Variants in MAML3 observed in about 807,000 individuals in gnomAD.
MAML3 encodes the protein mastermind-like protein 3.
MAML3 carries 27 observed loss-of-function variants against 101.9 expected under a neutral mutation model. The observed-to-expected ratio is 0.27, with a 90% CI of 0.20 to 0.37. MAML3 has a LOEUF of 0.37. MAML3 is among the 10% of genes least tolerant of loss of function. MAML3 has a pLI of 1.00. For synonymous variants in MAML3, 501 were observed against 555.9 expected (o/e 0.90, Z 1.39); for missense variants, 1,316 against 1,444.9 (o/e 0.91, Z 1.45).
intron 1 of MAML3, among the ~76,000 whole-genome samples, chr4:139,948,015 C>T (rs551504166): frequency 7.1e-4 from 108 of 152,028 alleles, no homozygotes; most frequent in Non-Finnish European, 1.3e-3. Flanking sequence ...GCAGGAGAAT[C>T]GCTTGAACCT....
chr4:139,911,843 C>A (rs1020173255), intron 1 of MAML3, among the ~76,000 whole-genome samples: 11 of 152,184 alleles, frequency 7.2e-5, no homozygotes, highest in African/African-American at 2.7e-4. Context: ...GATTTCCCAG[C>A]CCCCAGAACT....
intron 1 of MAML3, among the ~76,000 whole-genome samples, 189 bp from the exon 2 acceptor site, chr4:139,891,156 AG>A (rs1376275756): frequency 6.6e-6 from 1 of 152,270 alleles, no homozygotes; most frequent in Non-Finnish European, 1.5e-5. Flanking sequence ...TTTATCTAAA[AG>A]CAGAGCTCAC....
chr4:139,815,082 T>C (rs1296081224), intron 2 of MAML3, among the ~76,000 whole-genome samples: 4 of 152,116 alleles, frequency 2.6e-5, no homozygotes, highest in Non-Finnish European at 4.4e-5. Flanking sequence ...AAACCTAATT[T>C]TGATGAGAAA....
At chr4:140,144,099 C>A (rs978907605) in intron 1 of MAML3, among the ~76,000 whole-genome samples, 2 of 152,150 alleles carry the variant, frequency 1.3e-5, no homozygotes, top group African/African-American at 4.8e-5. Context: ...CGGGTGTAAT[C>A]TCTTGTAGGA....
intron 1 of MAML3, among the ~76,000 whole-genome samples, chr4:140,016,212 AG>A (rs1726639505): frequency 6.6e-6 from 1 of 152,232 alleles, no homozygotes; most frequent in Non-Finnish European, 1.5e-5. Context: ...TGAAATATTT[AG>A]GTATAACTCT....
intron 1 of MAML3, chr4:140,133,178 A>G (rs1728825071): frequency 2.5e-6 from 1 of 396,290 alleles, no homozygotes; most frequent in Non-Finnish European, 5.0e-6. Flanking sequence ...AAGAAAAAAA[A>G]GAGAGTTTAC....
chr4:139,998,787 T>C (rs1175182259), intron 1 of MAML3, among the ~76,000 whole-genome samples: 1 of 152,244 alleles, frequency 6.6e-6, no homozygotes, highest in African/African-American at 2.4e-5. Context: ...CTGTGAATTC[T>C]GTCTCCCTGG....
chr4:139,808,448 G>A (rs894378905), intron 2 of MAML3, among the ~76,000 whole-genome samples: 3 of 152,202 alleles, frequency 2.0e-5, no homozygotes, highest in African/African-American at 7.2e-5. Flanking sequence ...AGAGGGGAAG[G>A]GATATTATAG....
chr4:139,868,754 C>A (rs1409808227), intron 2 of MAML3, among the ~76,000 whole-genome samples: 1 of 151,874 alleles, frequency 6.6e-6, no homozygotes, highest in African/African-American at 2.4e-5. Context: ...GTCTTTATAA[C>A]TTTGTGTCAA....
intron 1 of MAML3, among the ~76,000 whole-genome samples, chr4:139,972,878 G>T (rs947899571): frequency 6.6e-6 from 1 of 152,160 alleles, no homozygotes; most frequent in Non-Finnish European, 1.5e-5. Flanking sequence ...AGATTAGCTA[G>T]AGAACTATAC....
At chr4:139,984,606 A>C (rs1022677341) in intron 1 of MAML3, among the ~76,000 whole-genome samples, 2 of 152,232 alleles carry the variant, frequency 1.3e-5, no homozygotes, top group African/African-American at 4.8e-5. Flanking sequence ...TTCTCTAAAA[A>C]AACAGAACCA....
intron 1 of MAML3, among the ~76,000 whole-genome samples, chr4:140,084,365 T>C (rs1000916903): frequency 8.5e-5 from 13 of 152,222 alleles, no homozygotes; most frequent in African/African-American, 2.9e-4. Context: ...GATGGTTTGT[T>C]GCCACGTGCA....
At chr4:139,875,276 T>A (rs1732090829) in intron 2 of MAML3, among the ~76,000 whole-genome samples, 1 of 152,210 alleles carries the variant, frequency 6.6e-6, no homozygotes, top group Non-Finnish European at 1.5e-5. Flanking sequence ...GCTCCTTATA[T>A]GATCCTACCT....
chr4:139,928,438 G>A (rs1302358590), intron 1 of MAML3, among the ~76,000 whole-genome samples: 1 of 152,134 alleles, frequency 6.6e-6, no homozygotes, highest in East Asian at 1.9e-4. Flanking sequence ...CAGAGAGTAA[G>A]GACTGTTTGG....
At chr4:139,921,017 A>C (rs1390449334) in intron 1 of MAML3, among the ~76,000 whole-genome samples, 1 of 152,116 alleles carries the variant, frequency 6.6e-6, no homozygotes, top group African/African-American at 2.4e-5. Flanking sequence ...AGTCTCACCA[A>C]ATCCCACTGG....
Position 139,735,506 on chromosome 4 carries a change from G to A in MAML3, c.2080-4839C>T, listed in dbSNP as rs1728901293. On this transcript the variant is annotated intron_variant, in intron 2 of 4. Coordinates refer to ENST00000509479, the MANE Select transcript of MAML3 (RefSeq NM_018717.5). The surrounding 1 kb of genome is among the most constrained non-coding windows in gnomAD (Gnocchi z 5.8). Reference sequence around the variant, plus strand: ...GTGGCGGACACCAGACCCCAGGGCCGACAGCCCGGGAGGGACCGGGTTCCA... The same window carrying A: ...GTGGCGGACACCAGACCCCAGGGCCAACAGCCCGGGAGGGACCGGGTTCCA... 6.6e-6 allele frequency among the ~76,000 whole-genome samples: 1 copy of A among 151,922 alleles called. No individual in the cohort carries two copies. The highest frequency in any genetic ancestry group is 6.5e-5 in the Admixed American group (1 of 15,284).
intron 1 of MAML3, among the ~76,000 whole-genome samples, chr4:140,084,236 G>A (rs760949722): frequency 2.6e-5 from 4 of 152,176 alleles, no homozygotes; most frequent in Non-Finnish European, 5.9e-5. Context: ...GCAAAGGGCC[G>A]ATGACTACTC....
chr4:140,028,680 C>A (rs1055635), intron 1 of MAML3, among the ~76,000 whole-genome samples: 6 of 152,120 alleles, frequency 3.9e-5, no homozygotes, highest in Non-Finnish European at 8.8e-5. Flanking sequence ...AAAGCTCAGC[C>A]ATTTTGCCAT....
intron 2 of MAML3, among the ~76,000 whole-genome samples, chr4:139,776,480 A>G (rs1282190873): frequency 1.3e-5 from 2 of 152,172 alleles, no homozygotes; most frequent in Non-Finnish European, 2.9e-5. Context: ...ACACTGATAG[A>G]TAAGTGAAAA....
Sources: gnomAD v4.1 joint callset for allele counts (sites outside exome capture counted in the v4.1 genomes callset) on GRCh38, gnomAD v4.1.1 for gene constraint, Gnocchi (gnomAD v3.1) non-coding constraint, MANE v1.5 for transcripts, NCBI Gene and HGNC (gene_info 2026-07-23, HGNC 2026-07-21) for gene names.